The following ARHGEF10 variants were observed in gnomAD, a reference collection of about 807,000 sequenced individuals.
The protein encoded by ARHGEF10 is Rho guanine nucleotide exchange factor (GEF) 10.
ARHGEF10 carries 140 observed loss-of-function variants against 147.4 expected under a neutral mutation model. The ratio of observed to expected loss-of-function variants is 0.95; its 90% confidence interval spans 0.83 to 1.09. The LOEUF is 1.09. ARHGEF10 is among the 50% of genes least tolerant of loss of function. The pLI is 0.00. For synonymous variants in ARHGEF10, 902 were observed against 695.8 expected (o/e 1.30, Z -4.67); for missense variants, 2,222 against 1,752.7 (o/e 1.27, Z -4.78).
rs1265868424 is a variant in ARHGEF10 at position 1,876,671 on chromosome 8, G to T, written c.780G>T (p.Gln260His). 1 of 1,614,248 alleles carries T rather than the reference G, an allele frequency of 6.2e-7. No individual in the cohort carries two copies. The highest frequency in any genetic ancestry group is 2.2e-5 in the East Asian group (1 of 44,888). The change falls in exon 8 of 29, where the codon CAG (glutamine) becomes CAT (histidine). Residue 260 changes from glutamine (Q) to histidine (H), a missense_variant. Transcript: ENST00000349830. ...GTGAATTTGAAAGTTACGAAGAGCA[G>T]AGTGACTCGGAGTGCAAGAATGGGA... ...SSSEFESYEE[Q>H]SDSECKNGIP...
chr8:1,860,108 G>A lies in ARHGEF10; in HGVS notation c.405G>A (p.Val135=). ...TGCCTGTACCCTGCGGCTATGCGGTGCCCTCCAACCTGCCCCTCCTGCTGC... is the reference window on the plus strand; with the variant it reads ...TGCCTGTACCCTGCGGCTATGCGGTACCCTCCAACCTGCCCCTCCTGCTGC... ...YLVPVPCGYA[V]PSNLPLLLPA... Residue 135 remains valine, a synonymous_variant, in exon 4 of 29, where the codon GTG becomes GTA. Transcript: ENST00000349830. 6.2e-6 allele frequency: 10 copies of A among 1,614,070 alleles called. No individual in the cohort carries two copies. Among genetic ancestry groups the A allele is most frequent in the Non-Finnish European group, 8.5e-6 (10 of 1,180,002 alleles).
intron 28 of ARHGEF10, among the ~76,000 whole-genome samples, chr8:1,955,601 C>T (rs1188516834): frequency 6.6e-6 from 1 of 151,578 alleles, no homozygotes; most frequent in African/African-American, 2.4e-5. Flanking sequence ...GGTGCACTCT[C>T]ACTGTTTCTC....
chr8:1,935,633 C>G (rs960537556), intron 26 of ARHGEF10, among the ~76,000 whole-genome samples: 2 of 152,216 alleles, frequency 1.3e-5, no homozygotes, highest in Non-Finnish European at 2.9e-5. Flanking sequence ...CACTGGGGCT[C>G]ATAACGTCTT....
chr8:1,880,646 C>T (rs1469431347), intron 9 of ARHGEF10, among the ~76,000 whole-genome samples: 1 of 152,130 alleles, frequency 6.6e-6, no homozygotes, highest in Non-Finnish European at 1.5e-5. Flanking sequence ...TTGGGCTCTC[C>T]ATAATTTTTA....
intron 13 of ARHGEF10, among the ~76,000 whole-genome samples, chr8:1,895,023 A>G (rs759517443): frequency 6.6e-6 from 1 of 152,170 alleles, no homozygotes; most frequent in Non-Finnish European, 1.5e-5. Flanking sequence ...AAAACACGTG[A>G]TGGGAAAATT....
intron 18 of ARHGEF10, among the ~76,000 whole-genome samples, chr8:1,919,807 G>GTTCTCCCTCAGGCTTA (rs1812097000): frequency 6.6e-6 from 1 of 150,420 alleles, no homozygotes; most frequent in Non-Finnish European, 1.5e-5. Context: ...GGGTGATGGA[G>GTTCTCCCTCAGGCTTA]CTGTTCTGTG....
intron 2 of ARHGEF10, among the ~76,000 whole-genome samples, chr8:1,848,538 G>C (rs1029009791): frequency 6.6e-6 from 1 of 152,182 alleles, no homozygotes; most frequent in Non-Finnish European, 1.5e-5. Flanking sequence ...TTTATTCAGT[G>C]AATGTTGTAT....
chr8:1,839,801 A>AAG (rs1803858807), intron 1 of ARHGEF10, among the ~76,000 whole-genome samples: 1 of 107,054 alleles, frequency 9.3e-6, no homozygotes, highest in Admixed American at 9.8e-5. Flanking sequence ...TGGTGTGGGG[A>AAG]CTGTCTTGTG....
intron 25 of ARHGEF10, among the ~76,000 whole-genome samples, chr8:1,932,455 C>A (rs1813228557): frequency 6.6e-6 from 1 of 151,900 alleles, no homozygotes; most frequent in African/African-American, 2.4e-5. Flanking sequence ...CATGTGCATG[C>A]CTGCATGTGT....
intron 11 of ARHGEF10, among the ~76,000 whole-genome samples, chr8:1,888,175 G>GAGTGGGGTGAATGTTTTGAGGAGACACTT (rs1808902572): frequency 6.9e-5 from 2 of 28,848 alleles, no homozygotes; most frequent in African/African-American, 4.5e-4. Flanking sequence ...AGGAGACAGT[G>GAGTGGGGTGAATGTTTTGAGGAGACACTT]AGTGGGGTGA....
At chr8:1,951,021 T>C (rs1361922973) in intron 27 of ARHGEF10, among the ~76,000 whole-genome samples, 1 of 152,160 alleles carries the variant, frequency 6.6e-6, no homozygotes, top group African/African-American at 2.4e-5. Flanking sequence ...ACATCCCTGC[T>C]CCCACAGCGG....
chr8:1,877,875 C>T (rs1017020163), intron 8 of ARHGEF10, among the ~76,000 whole-genome samples: 3 of 151,980 alleles, frequency 2.0e-5, no homozygotes, highest in Admixed American at 6.6e-5. Context: ...AGATGGTGAA[C>T]GGATGCCCGC....
At chr8:1,912,287 C>T (rs542902569) in intron 18 of ARHGEF10, among the ~76,000 whole-genome samples, 5 of 152,136 alleles carry the variant, frequency 3.3e-5, no homozygotes, top group East Asian at 1.9e-4. Context: ...GCAGGAAGCT[C>T]GCCGTCCCTG....
At chr8:1,895,866 T>C (rs937133181) in intron 13 of ARHGEF10, among the ~76,000 whole-genome samples, 6 of 152,026 alleles carry the variant, frequency 3.9e-5, no homozygotes, top group African/African-American at 1.4e-4. Flanking sequence ...TGTAGGGCAT[T>C]GTATGTTACG....
At chr8:1,942,414 G>T (rs1032161185) in intron 26 of ARHGEF10, among the ~76,000 whole-genome samples, 14 of 151,866 alleles carry the variant, frequency 9.2e-5, no homozygotes, top group Non-Finnish European at 1.8e-4. Context: ...GAGACACTGT[G>T]TCACACACTA....
chr8:1,862,294 C>T (rs1447711168), intron 4 of ARHGEF10, among the ~76,000 whole-genome samples: 1 of 152,270 alleles, frequency 6.6e-6, no homozygotes, highest in Non-Finnish European at 1.5e-5. Flanking sequence ...ATCCCCAGGC[C>T]TGCGGTGGGA....
At chr8:1,830,640 G>A (rs372049942) in intron 1 of ARHGEF10, among the ~76,000 whole-genome samples, 8 of 152,240 alleles carry the variant, frequency 5.3e-5, no homozygotes, top group African/African-American at 1.7e-4. Context: ...CCAAGGCAGG[G>A]TGTGAACCGC....
intron 8 of ARHGEF10, among the ~76,000 whole-genome samples, chr8:1,878,471 C>A (rs1216572438): frequency 1.3e-5 from 2 of 152,180 alleles, no homozygotes; most frequent in Non-Finnish European, 2.9e-5. Context: ...AGGCATGAGC[C>A]ACTGCACCCG....
intron 14 of ARHGEF10, 152 bp from the exon 15 acceptor site, chr8:1,898,281 A>G: frequency 4.2e-6 from 3 of 706,452 alleles, no homozygotes; most frequent in Non-Finnish European, 7.5e-6. Flanking sequence ...AGTGGCTGGA[A>G]GGTATTTGGC....
Sources: gnomAD v4.1 joint callset for allele counts (sites outside exome capture counted in the v4.1 genomes callset) on GRCh38, gnomAD v4.1.1 for gene constraint, MANE v1.5 for transcripts, NCBI Gene and HGNC (gene_info 2026-07-23, HGNC 2026-07-21) for gene names.